GCLC: variants seen among roughly 807,000 people sequenced by gnomAD.
GCLC encodes the protein glutamate-cysteine ligase catalytic subunit.
A neutral mutation model predicts 81.5 loss-of-function variants in GCLC; 30 were observed. That is an observed-to-expected ratio of 0.37 (90% CI 0.28 to 0.50). The LOEUF (loss-of-function observed/expected upper bound fraction) is 0.50, where lower values mean the gene tolerates loss of function less well. Ranked by LOEUF, GCLC falls within the 20% of genes least tolerant of loss-of-function variation. The pLI is 0.96. For missense variants in GCLC, 556 were observed against 777.4 expected, an observed-to-expected ratio of 0.72 and a Z score of 3.39; for synonymous variants, 262 against 273.3, an observed-to-expected ratio of 0.96 and a Z score of 0.41.
intron 2 of GCLC, 22 bp from the exon 3 acceptor site, chr6:53,520,982 G>T (rs749433888): frequency 1.9e-6 from 3 of 1,586,308 alleles, no homozygotes; most frequent in South Asian, 2.2e-5. Context: ...AAATAACTTA[G>T]TTCCATCTTA....
In GCLC at chr6:53,498,941, T is replaced by C; in HGVS notation, c.1729A>G (p.Met577Val). 6.2e-7 allele frequency: 1 copy of C among 1,613,054 alleles called. No individual in the cohort carries two copies. Among genetic ancestry groups the C allele is most frequent in the Non-Finnish European group, 8.5e-7 (1 of 1,179,168 alleles). The change falls in exon 16 of 16, where the codon ATG (methionine) becomes GTG (valine). Residue 577 changes from methionine to valine, a missense_variant. This residue lies in a region of GCLC where 313 missense variants were observed against 437.3 expected (regional missense o/e 0.72). Transcript: ENST00000650454. ...GGATGGTTTGCGATAAACTCCCTCA[T>C]CCATCTGGCAACTGTCATTAGTTCT... Reference protein sequence around the residue: ...SGELMTVARWMREFIANHPDY... With the variant: ...SGELMTVARWVREFIANHPDY...
chr6:53,507,734 G>A (rs1259768514), intron 8 of GCLC, 116 bp from the exon 9 acceptor site: 1 of 455,934 alleles, frequency 2.2e-6, no homozygotes, highest in African/African-American at 2.0e-5. Context: ...AAGTTAGTGA[G>A]CCCTAAAAAG....
chr6:53,508,778 T>A lies in GCLC; in HGVS notation c.829-67A>T, dbSNP rs557776752. On this transcript the variant is annotated intron_variant, in intron 7 of 15. Coordinates refer to ENST00000650454, the MANE Select transcript of GCLC (RefSeq NM_001498.4). ...CACTTACATGCTAAAAAAAGCTCCA[T>A]GCAGTTATATTTCTGATCAAAAAGC... 1.5e-5 allele frequency: 16 copies of A among 1,038,926 alleles called. No homozygotes were observed. In the East Asian group the frequency reaches 3.5e-4, roughly 23 times the overall value. The allele number at this position is 1,038,926 out of a possible 1,614,324, so 64.4% of individuals were successfully genotyped here. A position where few individuals can be genotyped will look rare whatever the true frequency, so the allele number is the denominator to read the frequency against.
intron 1 of GCLC, among the ~76,000 whole-genome samples, chr6:53,539,608 T>A (rs923383278): frequency 1.5e-5 from 2 of 137,434 alleles, no homozygotes; most frequent in African/African-American, 5.9e-5. Flanking sequence ...AAGTTCATTT[T>A]TGTCTTTTTT....
chr6:53,523,571 A>C (rs905900436), intron 1 of GCLC, among the ~76,000 whole-genome samples: 1 of 152,188 alleles, frequency 6.6e-6, no homozygotes, highest in Non-Finnish European at 1.5e-5. Context: ...TCACATGTAA[A>C]TCTAGGTTCT....
chr6:53,498,591 C>A lies in GCLC; in HGVS notation c.*165G>T. Reference sequence around the variant, plus strand: ...ACTATGTACATGTACACTGTATAAACTCTAGATTTACCTACCAAAGAAAGC... The same window carrying A: ...ACTATGTACATGTACACTGTATAAAATCTAGATTTACCTACCAAAGAAAGC... On this transcript the variant is annotated 3_prime_UTR_variant, in exon 16 of 16. Transcript: ENST00000650454. 3.0e-6 allele frequency: 2 copies of A among 662,476 alleles called. No homozygotes were observed. The highest frequency in any genetic ancestry group is 5.5e-6 in the Non-Finnish European group (2 of 364,920). 41.0% of individuals were successfully genotyped at this position (662,476 alleles called of 1,614,324 possible).
intron 12 of GCLC, among the ~76,000 whole-genome samples, chr6:53,502,712 C>T (rs148307130): frequency 0.014 from 2,162 of 152,202 alleles, 24 homozygotes; most frequent in Middle Eastern, 0.085. Context: ...AACTGTGTTG[C>T]TATTTTATAT....
rs187090956 is a variant in GCLC, at chr6:53,535,978, T to A, written c.150+8518A>T. ...ATGAAGAAAAGCATTAGTCCATACA[T>A]ACAAACTTGTATGTTAATGTTCATA... On this transcript the variant is annotated intron_variant, in intron 1 of 15. Coordinates refer to ENST00000650454, the MANE Select transcript of GCLC (RefSeq NM_001498.4). Among the ~76,000 whole-genome samples, 15 of 152,364 alleles carry A rather than the reference T, an allele frequency of 9.8e-5. No homozygotes were observed. The East Asian group carries it at 2.9e-3, about 29-fold the overall frequency.
At chr6:53,544,461 G>A (rs767544538) in intron 1 of GCLC, 35 bp downstream of exon 1, 4 of 1,600,018 alleles carry the variant, frequency 2.5e-6, no homozygotes, top group Non-Finnish European at 3.4e-6. Context: ...GCCAGACACG[G>A]GTGCCCGGCG....
chr6:53,498,611 G>A lies in GCLC; in HGVS notation c.*145C>T, dbSNP rs1176234090. 5 of 691,314 alleles carry A rather than the reference G, an allele frequency of 7.2e-6. No homozygotes were observed. The highest frequency in any genetic ancestry group is 4.2e-5 in the Admixed American group (2 of 47,246). The allele number at this position is 691,314 out of a possible 1,614,324, so 42.8% of individuals were successfully genotyped here. A position where few individuals can be genotyped will look rare whatever the true frequency, so the allele number is the denominator to read the frequency against. On this transcript the variant is annotated 3_prime_UTR_variant, in exon 16 of 16. Transcript: ENST00000650454. ...ATAAACTCTAGATTTACCTACCAAA[G>A]AAAGCCTTAATCAATTTCTGGCTCA...
rs997932482 is a variant in GCLC, at chr6:53,508,582, A to G, written c.945+13T>C. On this transcript the variant is annotated intron_variant, in intron 8 of 15. Transcript: ENST00000650454. ...TTGACTTAAAAGGGCTATTAAGGAAAAACAATTCCCACCTCCAGTCCTCGC... is the reference window on the plus strand; with the variant it reads ...TTGACTTAAAAGGGCTATTAAGGAAGAACAATTCCCACCTCCAGTCCTCGC... 6.0e-6 allele frequency: 9 copies of G among 1,512,020 alleles called. No individual in the cohort carries two copies. Among genetic ancestry groups the G allele is most frequent in the Non-Finnish European group, 7.4e-6 (8 of 1,086,670 alleles). The allele number at this position is 1,512,020 out of a possible 1,614,324, so 93.7% of individuals were successfully genotyped here.
In GCLC at chr6:53,505,421, T is replaced by C; in HGVS notation, c.1366A>G (p.Lys456Glu). The C allele has an allele frequency of 6.3e-7, 1 of 1,596,240 alleles. No homozygotes were observed. Among genetic ancestry groups the C allele is most frequent in the Non-Finnish European group, 8.6e-7 (1 of 1,163,942 alleles). The stretch of plus-strand genomic sequence containing the variant: ...GACAGTGGAATGAGAAAATCCAATT[T>C]GTAGGAAAGGATCACTCTGGTGAGC... ...VLLTRVILSY[K>E]LDFLIPLSKV... The change falls in exon 12 of 16, where the codon AAA (lysine) becomes GAA (glutamate). Residue 456 changes from lysine (K) to glutamate (E), a missense_variant. Transcript: ENST00000650454.
At chr6:53,505,588 A>C in intron 11 of GCLC, 92 bp from the exon 12 acceptor site, 1 of 793,980 alleles carries the variant, frequency 1.3e-6, no homozygotes, top group South Asian at 1.4e-5. Context: ...TGTCATTCCC[A>C]AGCCATCTCC....
intron 1 of GCLC, among the ~76,000 whole-genome samples, chr6:53,540,348 C>G (rs1481303673): frequency 6.7e-6 from 1 of 150,202 alleles, no homozygotes; most frequent in African/African-American, 2.4e-5. Flanking sequence ...AAAGAAAATC[C>G]TACAGTATGG....
At chr6:53,510,909 AG>A (rs1764725829) in intron 6 of GCLC, among the ~76,000 whole-genome samples, 1 of 152,230 alleles carries the variant, frequency 6.6e-6, no homozygotes, top group East Asian at 1.9e-4. Context: ...AGAGTTTCAA[AG>A]GTTAAAGTAG....
intron 2 of GCLC, among the ~76,000 whole-genome samples, chr6:53,522,189 C>T (rs1457096333): frequency 6.6e-6 from 1 of 152,154 alleles, no homozygotes; most frequent in East Asian, 1.9e-4. Context: ...TTGCTATGAT[C>T]TTTACTTTAC....
Position 53,500,294 on chromosome 6 carries a change from C to T in GCLC, c.1534G>A (p.Ala512Thr), listed in dbSNP as rs1764483497. 2.5e-6 allele frequency: 4 copies of T among 1,614,220 alleles called. No homozygotes were observed. The East Asian group carries it at 8.9e-5, about 36-fold the overall frequency. ...GKAQNSTELA[A>T]EEYTLMSIDT... ...ATGCTCATGAGGGTGTACTCCTCTGCAGCGAGCTCCGTGCTGTTCTGGGCC... is the reference window on the plus strand; with the variant it reads ...ATGCTCATGAGGGTGTACTCCTCTGTAGCGAGCTCCGTGCTGTTCTGGGCC... The change falls in exon 14 of 16, where the codon GCA becomes ACA. Residue 512 changes from alanine to threonine, a missense_variant. This residue lies in a region of GCLC where 313 missense variants were observed against 437.3 expected (regional missense o/e 0.72). Transcript: ENST00000650454.
chr6:53,516,403 C>G (rs961333507), intron 3 of GCLC, among the ~76,000 whole-genome samples, 181 bp from the exon 4 acceptor site: 10 of 152,348 alleles, frequency 6.6e-5, no homozygotes, highest in African/African-American at 2.4e-4. Flanking sequence ...ACTCCCCACA[C>G]TTCTTGCTCA....
At chr6:53,511,239 G>A (rs1395652930) in intron 6 of GCLC, among the ~76,000 whole-genome samples, 2 of 149,644 alleles carry the variant, frequency 1.3e-5, no homozygotes, top group East Asian at 2.0e-4. Flanking sequence ...TGCGGTCAAA[G>A]GTATAGTGAG....
Sources: allele counts gnomAD v4.1 joint callset (sites outside exome capture counted in the v4.1 genomes callset), GRCh38; gene constraint gnomAD v4.1.1; regional missense constraint gnomAD v4.1.1; transcripts MANE v1.5; gene names NCBI Gene and HGNC (gene_info 2026-07-23, HGNC 2026-07-21).